PCDH11X: variants seen among roughly 807,000 people sequenced by gnomAD.
The protein encoded by PCDH11X is protocadherin-11 X-linked.
Under a neutral mutation model 53.3 loss-of-function variants are expected in PCDH11X, and 18 were observed. That is an observed-to-expected ratio of 0.34 (90% CI 0.23 to 0.50). PCDH11X has a LOEUF of 0.50. Ranked by LOEUF, PCDH11X falls within the 20% of genes least tolerant of loss-of-function variation. The probability of loss-of-function intolerance (pLI) is 0.98; values close to 1 mark genes in which losing one functional copy is unlikely to be tolerated. For missense variants in PCDH11X, 570 were observed against 1,032.4 expected (o/e 0.55, Z 6.14); for synonymous variants, 279 against 393.3 (o/e 0.71, Z 3.44).
intron 7 of PCDH11X, among the ~76,000 whole-genome samples, chrX:92,235,482 CTTTT>C (rs1392445380): frequency 9.0e-6 from 1 of 111,450 alleles, no homozygotes; most frequent in East Asian, 2.8e-4. Context: ...CCCACTCTCT[CTTTT>C]AACACAGGTG....
At chrX:92,210,606 C>T (rs1046142183) in intron 7 of PCDH11X, among the ~76,000 whole-genome samples, 22 of 111,316 alleles carry the variant, frequency 2.0e-4, no homozygotes, top group Non-Finnish European at 1.9e-5. Flanking sequence ...TTATGCTCTA[C>T]TTCCATTTTA....
At chrX:92,311,655 CT>C (rs1160221233) in intron 8 of PCDH11X, among the ~76,000 whole-genome samples, 207 of 104,499 alleles carry the variant, frequency 2.0e-3, no homozygotes, top group African/African-American at 6.6e-3. Context: ...TAAATGTTTG[CT>C]TTTTTTTTTT....
intron 9 of PCDH11X, among the ~76,000 whole-genome samples, chrX:92,395,616 T>C (rs1292503842): frequency 9.0e-6 from 1 of 111,132 alleles, no homozygotes; most frequent in Non-Finnish European, 1.9e-5. Flanking sequence ...AGAATTTACA[T>C]GTGCAGGTGT....
chrX:91,989,071 T>TG (rs1224052685), intron 6 of PCDH11X, among the ~76,000 whole-genome samples: 2 of 110,747 alleles, frequency 1.8e-5, no homozygotes, highest in African/African-American at 6.6e-5. Flanking sequence ...CAAACCACAG[T>TG]GGGCCTGATG....
intron 6 of PCDH11X, among the ~76,000 whole-genome samples, chrX:91,896,319 A>AT (rs1310785614): frequency 9.1e-6 from 1 of 109,540 alleles, no homozygotes; most frequent in South Asian, 4.0e-4. Context: ...TTTAGTAGAG[A>AT]TGAGGTTTCA....
Position 92,148,005 on chromosome X carries a change from CTT to C in PCDH11X, c.3034-53366_3034-53365del, listed in dbSNP as rs1210152068. On this transcript the variant is annotated intron_variant, in intron 6 of 10. Coordinates refer to ENST00000682573, the MANE Select transcript of PCDH11X (RefSeq NM_032968.5). Reference sequence around the variant, plus strand: ...CCTTCCTTTCTTTCTTTCTTTCTTTCTTTTTCTTTCCTTCCTTCCTTCCTTTC... The same window carrying C: ...CCTTCCTTTCTTTCTTTCTTTCTTTCTTTCTTTCCTTCCTTCCTTCCTTTC... 4.5e-4 allele frequency among the ~76,000 whole-genome samples: 33 copies of C among 72,827 alleles called. 1 individual carries two copies. The highest frequency in any genetic ancestry group is 2.0e-3 in the African/African-American group (33 of 16,227). The allele number at this position is 72,827 out of a possible 115,157, so 63.2% of individuals were successfully genotyped here.
intron 1 of PCDH11X, among the ~76,000 whole-genome samples, chrX:91,801,633 T>A (rs1935940828): frequency 8.9e-6 from 1 of 112,443 alleles, no homozygotes; most frequent in Non-Finnish European, 1.9e-5. Context: ...ACTAGAAATA[T>A]TTTCACATTA....
Position 92,080,746 on chromosome X carries a change from G to A in PCDH11X, c.3034-120629G>A, listed in dbSNP as rs2063843954. ...ACAGGAGCCATCATAAAGAAATGAA[G>A]ACCCAAAGACCCTGAGTTATTTATA... is the stretch of plus-strand genomic sequence containing the variant. On this transcript the variant is annotated intron_variant, in intron 6 of 10. Coordinates refer to ENST00000682573, the MANE Select transcript of PCDH11X (RefSeq NM_032968.5). 3.6e-5 allele frequency among the ~76,000 whole-genome samples: 4 copies of A among 110,782 alleles called. No individual in the cohort carries two copies. The Admixed American group carries it at 3.9e-4, about 11-fold the overall frequency.
chrX:92,102,085 G>T (rs1409383467), intron 6 of PCDH11X, among the ~76,000 whole-genome samples: 1 of 109,814 alleles, frequency 9.1e-6, no homozygotes, highest in Admixed American at 9.8e-5. Flanking sequence ...AGATACAATC[G>T]TGGGGGTCAG....
At position 92,398,216 on chromosome X, in the gene PCDH11X, G is replaced by T. The variant is rs949769458; in HGVS notation, c.3343+10283G>T. Among the ~76,000 whole-genome samples, 46 of 110,954 alleles carry T rather than the reference G, an allele frequency of 4.1e-4. 1 individual carries two copies. Among genetic ancestry groups the T allele is most frequent in the African/African-American group, 1.4e-3 (44 of 30,527 alleles). ...CAAATATCCCCTCAGGGTTTCAAAG[G>T]ATATGAACTGTGGCTAAGTAAAAAA... On this transcript the variant is annotated intron_variant, in intron 9 of 10. Transcript: ENST00000682573.
intron 5 of PCDH11X, 31 bp downstream of exon 5, chrX:91,836,075 T>C (rs753147889): frequency 2.2e-4 from 254 of 1,155,934 alleles, no homozygotes; most frequent in Non-Finnish European, 1.9e-4. Flanking sequence ...GTTAAAGATA[T>C]CATCTCATTT....
At position 91,984,655 on chromosome X, in the gene PCDH11X, C is replaced by T. The variant is rs529772664; in HGVS notation, c.3033+105382C>T. On this transcript the variant is annotated intron_variant, in intron 6 of 10. Coordinates refer to ENST00000682573, the MANE Select transcript of PCDH11X (RefSeq NM_032968.5). Reference sequence around the variant, plus strand: ...ACTTTAATATTTTACTTTAGGTATCCGTGGATCATGTGAGTAGTATAAATT... The same window carrying T: ...ACTTTAATATTTTACTTTAGGTATCTGTGGATCATGTGAGTAGTATAAATT... 1.2e-3 allele frequency among the ~76,000 whole-genome samples: 129 copies of T among 110,922 alleles called. 3 individuals carry two copies. In the South Asian group the frequency reaches 0.049, roughly 42 times the overall value.
chrX:92,240,667 T>C (rs1264072625), intron 7 of PCDH11X, among the ~76,000 whole-genome samples: 1 of 111,718 alleles, frequency 9.0e-6, no homozygotes, highest in Non-Finnish European at 1.9e-5. Context: ...TGATAAAATT[T>C]ATCTATTACA....
chrX:92,116,155 T>G (rs1446778589), intron 6 of PCDH11X, among the ~76,000 whole-genome samples: 1 of 112,465 alleles, frequency 8.9e-6, no homozygotes, highest in Non-Finnish European at 1.9e-5. Flanking sequence ...ATGCTTAGAA[T>G]GACATACTTG....
At chrX:92,362,997 T>A (rs1169341503) in intron 8 of PCDH11X, among the ~76,000 whole-genome samples, 1 of 109,549 alleles carries the variant, frequency 9.1e-6, no homozygotes. Flanking sequence ...TCTAATCTAT[T>A]TTTTTTGGTC....
intron 1 of PCDH11X, among the ~76,000 whole-genome samples, chrX:91,793,319 A>G (rs1368612384): frequency 9.2e-6 from 1 of 108,221 alleles, no homozygotes; most frequent in African/African-American, 3.3e-5. Flanking sequence ...CCAATTTATT[A>G]GGTTCAAATA....
chrX:92,150,065 G>T (rs2065406711), intron 6 of PCDH11X, among the ~76,000 whole-genome samples: 1 of 109,396 alleles, frequency 9.1e-6, no homozygotes, highest in Admixed American at 9.6e-5. Flanking sequence ...AAACATTTGT[G>T]TGAAAGTTTT....
rs751379869 is a variant in PCDH11X, at chrX:91,958,680, AT to A, written c.3033+79408del. ...CGAGTTGTTTTCCTAGTCAGTCTCA[AT>A]GTGAGAACCTGGATATTTCAATTGA... On this transcript the variant is annotated intron_variant, in intron 6 of 10. Coordinates refer to ENST00000682573, the MANE Select transcript of PCDH11X (RefSeq NM_032968.5). Among the ~76,000 whole-genome samples, 709 of 110,277 alleles carry A rather than the reference AT, an allele frequency of 6.4e-3. 4 individuals carry two copies. Among genetic ancestry groups the A allele is most frequent in the African/African-American group, 0.022 (649 of 30,008 alleles).
intron 6 of PCDH11X, among the ~76,000 whole-genome samples, chrX:92,057,713 C>G (rs931680591): frequency 9.7e-6 from 1 of 103,367 alleles, no homozygotes; most frequent in Non-Finnish European, 2.0e-5. Context: ...TGAACTTACA[C>G]AGGATGACTC....
Sources: allele counts gnomAD v4.1 joint callset (sites outside exome capture counted in the v4.1 genomes callset), GRCh38; gene constraint gnomAD v4.1.1; transcripts MANE v1.5; gene names NCBI Gene and HGNC (gene_info 2026-07-23, HGNC 2026-07-21).